CETP: variants seen among roughly 807,000 people sequenced by gnomAD.
CETP encodes the protein cholesteryl ester transfer protein, also known as BPI fold containing family F.
A neutral mutation model predicts 66.5 loss-of-function variants in CETP; 56 were observed. The observed-to-expected ratio is 0.84, with a 90% CI of 0.68 to 1.05. The LOEUF (loss-of-function observed/expected upper bound fraction) is 1.05. CETP is among the 50% of genes least tolerant of loss of function. CETP has a pLI of 0.00. For synonymous variants in CETP, 251 were observed against 245.7 expected (o/e 1.02, Z -0.20); for missense variants, 612 against 609.6 (o/e 1.00, Z -0.04).
intron 2 of CETP, among the ~76,000 whole-genome samples, chr16:56,967,858 T>C (rs2056079079): frequency 6.6e-6 from 1 of 151,830 alleles, no homozygotes; most frequent in South Asian, 2.1e-4. Flanking sequence ...TCCCAGCTAT[T>C]CCAGAGGCTG....
chr16:56,971,193 C>T (rs2056107217), intron 6 of CETP, 91 bp downstream of exon 6: 2 of 1,484,446 alleles, frequency 1.3e-6, no homozygotes, highest in Admixed American at 3.3e-5. Flanking sequence ...GAAGGTGCCA[C>T]TCCCACCTTC....
At chr16:56,964,558 G>A (rs1383402930) in intron 2 of CETP, among the ~76,000 whole-genome samples, 4 of 152,120 alleles carry the variant, frequency 2.6e-5, no homozygotes, top group Admixed American at 6.6e-5. Context: ...CCCCAAGGGT[G>A]GGGCAGACAT....
chr16:56,983,360 C>CA lies in CETP; in HGVS notation c.1359dup (p.Gly454ArgfsTer11), dbSNP rs2056202021. Reference sequence around the variant, plus strand: ...TAGTGTTTACAGCCCTCATGAACAGCAAAGGCGTGAGCCTCTTCGACATCA... The same window carrying CA: ...TAGTGTTTACAGCCCTCATGAACAGCAAAAGGCGTGAGCCTCTTCGACATCA... On this transcript the variant is annotated frameshift_variant, in exon 15 of 16. Transcript: ENST00000200676. LOFTEE classifies it high-confidence loss of function. 1 of 1,614,256 alleles carries CA rather than the reference C, an allele frequency of 6.2e-7. No homozygotes were observed. Among genetic ancestry groups the CA allele is most frequent in the Non-Finnish European group, 8.5e-7 (1 of 1,180,038 alleles).
rs901489431 is a variant in CETP at position 56,975,003 on chromosome 16, G to C, written c.931-98G>C. The C allele has an allele frequency of 1.7e-4, 171 of 1,013,414 alleles. 1 individual carries two copies. The South Asian group carries it at 1.9e-3, about 11-fold the overall frequency. The allele number at this position is 1,013,414 out of a possible 1,614,324, so 62.8% of individuals were successfully genotyped here. On this transcript the variant is annotated intron_variant, in intron 9 of 15. Transcript: ENST00000200676. ...GAGGTTGGGAGTTGCGTCTGAGGAG[G>C]GGTCCAGTCCTTGAAACTGCCCTTG... is the stretch of plus-strand genomic sequence containing the variant.
intron 10 of CETP, among the ~76,000 whole-genome samples, chr16:56,976,070 G>A (rs937469811): frequency 5.3e-5 from 8 of 152,108 alleles, no homozygotes; most frequent in South Asian, 2.1e-4. Context: ...GCCCCTGACC[G>A]GCTCTTCTCC....
Position 56,977,972 on chromosome 16 carries a change from C to T in CETP, c.982-119C>T, listed in dbSNP as rs34426213. 12,057 of 1,251,558 alleles carry T rather than the reference C, an allele frequency of 9.6e-3. 118 individuals carry two copies. Among genetic ancestry groups the T allele is most frequent in the African/African-American group, 0.032 (2,133 of 67,028 alleles). The allele number at this position is 1,251,558 out of a possible 1,614,324, so 77.5% of individuals were successfully genotyped here. ...GGGGCCTGGGCACTACCCCGAGCTA[C>T]TTCCTTTTCCCCAGCCCTGGGGCCC... On this transcript the variant is annotated intron_variant, in intron 10 of 15. Coordinates refer to ENST00000200676, the MANE Select transcript of CETP (RefSeq NM_000078.3).
intron 1 of CETP, 105 bp downstream of exon 1, chr16:56,962,202 A>C: frequency 1.1e-6 from 1 of 950,694 alleles, no homozygotes; most frequent in Non-Finnish European, 1.7e-6. Context: ...CGGCTGCCAC[A>C]CTAGCCCAGA....
intron 2 of CETP, among the ~76,000 whole-genome samples, chr16:56,966,356 G>T (rs2056065999): frequency 6.6e-6 from 1 of 152,136 alleles, no homozygotes; most frequent in Non-Finnish European, 1.5e-5. Context: ...CTTTCCAGCA[G>T]CTGTGATTGT....
chr16:56,982,162 C>T lies in CETP; in HGVS notation c.1249-3C>T, dbSNP rs780437489. On this transcript the variant is annotated splice_polypyrimidine_tract_variant and splice_region_variant and intron_variant, in intron 13 of 15. Coordinates refer to ENST00000200676, the MANE Select transcript of CETP (RefSeq NM_000078.3). ...GGACTCACCATGGGCATTTGATTGG[C>T]AGAGCAGCTCCGAGTCCGTCCAGAG... 4 of 1,613,912 alleles carry T rather than the reference C, an allele frequency of 2.5e-6. No individual in the cohort carries two copies. The highest frequency in any genetic ancestry group is 1.3e-5 in the African/African-American group (1 of 74,920).
At chr16:56,966,983 A>T (rs1308187006) in intron 2 of CETP, among the ~76,000 whole-genome samples, 1 of 151,958 alleles carries the variant, frequency 6.6e-6, no homozygotes, top group African/African-American at 2.4e-5. Context: ...GGAGGTCAAG[A>T]ATTTAGTCAT....
intron 8 of CETP, among the ~76,000 whole-genome samples, chr16:56,972,641 A>G (rs2056120538): frequency 6.6e-6 from 1 of 152,152 alleles, no homozygotes; most frequent in Admixed American, 6.5e-5. Flanking sequence ...TGGCCTGACC[A>G]CCACACCCAC....
rs2056098909 is a variant in CETP, at chr16:56,970,045, C to A, written c.527+44C>A. 4 of 1,576,232 alleles carry A rather than the reference C, an allele frequency of 2.5e-6. No homozygotes were observed. In the African/African-American group the frequency reaches 5.4e-5, roughly 21 times the overall value. ...GGCCCCCATTCCTGCTCGTGCCCAT[C>A]CTGTTAGTGTGTCCACGGCTCCTTC... is the stretch of plus-strand genomic sequence containing the variant. On this transcript the variant is annotated intron_variant, in intron 5 of 15. Coordinates refer to ENST00000200676, the MANE Select transcript of CETP (RefSeq NM_000078.3).
chr16:56,963,176 C>T (rs760643057), intron 2 of CETP, 52 bp downstream of exon 2: 2 of 1,436,178 alleles, frequency 1.4e-6, no homozygotes, highest in Non-Finnish European at 2.0e-6. Context: ...GCGGGAGGAA[C>T]AGCCTGGGGC....
chr16:56,981,821 G>C, intron 13 of CETP, 141 bp downstream of exon 13: 1 of 830,012 alleles, frequency 1.2e-6, no homozygotes, highest in Non-Finnish European at 2.0e-6. Flanking sequence ...TGTCTCTTGT[G>C]ACCCTTCTTC....
Position 56,982,174 on chromosome 16 carries a change from G to A in CETP, c.1258G>A (p.Glu420Lys), listed in dbSNP as rs202026395. The A allele has an allele frequency of 1.6e-5, 26 of 1,614,100 alleles. No homozygotes were observed. The highest frequency in any genetic ancestry group is 1.1e-4 in the African/African-American group (8 of 75,022). Residue 420 changes from glutamate to lysine, a missense_variant, in exon 14 of 16, where the codon GAG becomes AAG. Coordinates refer to ENST00000200676, the MANE Select transcript of CETP (RefSeq NM_000078.3). Reference sequence around the variant, plus strand: ...GGCATTTGATTGGCAGAGCAGCTCCGAGTCCGTCCAGAGCTTCCTGCAGTC... The same window carrying A: ...GGCATTTGATTGGCAGAGCAGCTCCAAGTCCGTCCAGAGCTTCCTGCAGTC... ...TVSNLTESSS[E>K]SVQSFLQSMI... is the part of the protein sequence containing the mutation.
At position 56,983,372 on chromosome 16, in the gene CETP, C is replaced by G; in HGVS notation, c.1368C>G (p.Ser456Arg). 5 of 1,614,240 alleles carry G rather than the reference C, an allele frequency of 3.1e-6. No homozygotes were observed. Among genetic ancestry groups the G allele is most frequent in the Non-Finnish European group, 3.4e-6 (4 of 1,180,042 alleles). The change falls in exon 15 of 16, where the codon AGC becomes AGG. Residue 456 changes from serine to arginine, a missense_variant. By Grantham distance (110) the Ser-to-Arg change is moderately radical (BLOSUM62 -1). Coordinates refer to ENST00000200676, the MANE Select transcript of CETP (RefSeq NM_000078.3). ...FTALMNSKGV[S>R]LFDIINPEII... ...CCCTCATGAACAGCAAAGGCGTGAG[C>G]CTCTTCGACATCATCAACCCTGAGA...
intron 8 of CETP, among the ~76,000 whole-genome samples, chr16:56,973,029 G>C (rs1025350252): frequency 2.6e-5 from 4 of 152,186 alleles, no homozygotes; most frequent in Admixed American, 1.3e-4. Flanking sequence ...GGGCGGGGTG[G>C]GAGCTGGAGG....
intron 14 of CETP, 57 bp downstream of exon 14, chr16:56,982,294 A>G: frequency 6.5e-7 from 1 of 1,534,150 alleles, no homozygotes; most frequent in Non-Finnish European, 9.0e-7. Flanking sequence ...TTCCCATTTC[A>G]CCTTGTGGGC....
intron 2 of CETP, among the ~76,000 whole-genome samples, chr16:56,964,714 A>C (rs2056053480): frequency 1.3e-5 from 2 of 152,218 alleles, no homozygotes; most frequent in African/African-American, 2.4e-5. Context: ...AGGGGGCGCC[A>C]GCGGTGCTGG....
Sources: allele counts gnomAD v4.1 joint callset (sites outside exome capture counted in the v4.1 genomes callset), GRCh38; gene constraint gnomAD v4.1.1; transcripts MANE v1.5; gene names NCBI Gene and HGNC (gene_info 2026-07-23, HGNC 2026-07-21).